The following MMP28 variants were observed in gnomAD, a reference collection of about 807,000 sequenced individuals.
MMP28 encodes the protein matrix metalloproteinase-28.
A neutral mutation model predicts 60.5 loss-of-function variants in MMP28; 55 were observed. The ratio of observed to expected loss-of-function variants is 0.91; its 90% CI spans 0.73 to 1.14. MMP28 has a LOEUF of 1.14. MMP28 is among the 50% of genes most tolerant of loss of function. The pLI, the probability that MMP28 is intolerant of heterozygous loss-of-function variation, is 0.00. For synonymous variants in MMP28, 318 were observed against 312.5 expected, an observed-to-expected ratio of 1.02 and a Z score of -0.18; for missense variants, 686 against 738.3, an observed-to-expected ratio of 0.93 and a Z score of 0.82.
chr17:35,768,067 A>G, intron 6 of MMP28, 148 bp from the exon 7 acceptor site: 1 of 1,290,416 alleles, frequency 7.7e-7, no homozygotes, highest in Non-Finnish European at 1.1e-6. Flanking sequence ...GTGGGCAGGA[A>G]GAAGCGGTGT....
At chr17:35,794,986 A>C (rs1358954733) in intron 1 of MMP28, among the ~76,000 whole-genome samples, 4 of 152,174 alleles carry the variant, frequency 2.6e-5, no homozygotes, top group African/African-American at 7.2e-5. Flanking sequence ...GCCCCGTGCC[A>C]AACTAGGGTA....
intron 1 of MMP28, among the ~76,000 whole-genome samples, chr17:35,784,377 A>G (rs2086590238): frequency 6.6e-6 from 1 of 152,130 alleles, no homozygotes; most frequent in Non-Finnish European, 1.5e-5. Context: ...ATATTCAAAA[A>G]AATTTAAAAC....
Position 35,766,402 on chromosome 17 carries a change from G to C in MMP28, c.*98C>G. 7.0e-7 allele frequency: 1 copy of C among 1,432,888 alleles called. No homozygotes were observed. The highest frequency in any genetic ancestry group is 1.5e-5 in the South Asian group (1 of 67,794). 88.8% of individuals were successfully genotyped at this position (1,432,888 alleles called of 1,614,324 possible). The stretch of plus-strand genomic sequence containing the variant: ...AGGCTTTGCTGCCCGGTCTTCTGCA[G>C]AGGGACTCAGAGGCTTCTAAGAGGG... On this transcript the variant is annotated 3_prime_UTR_variant, in exon 8 of 8. Coordinates refer to ENST00000605424, the MANE Select transcript of MMP28 (RefSeq NM_024302.5). This position sits in a 1 kb window ranked among gnomAD's most constrained non-coding sequence, Gnocchi z 4.3.
chr17:35,790,060 CTTTTTTTTTTT>C (rs56405134), intron 1 of MMP28, among the ~76,000 whole-genome samples: 1 of 66,938 alleles, frequency 1.5e-5, no homozygotes, highest in Non-Finnish European at 2.8e-5. Flanking sequence ...CCGCACCTGG[CTTTTTTTTTTT>C]TTTTTTTTTT....
intron 1 of MMP28, among the ~76,000 whole-genome samples, chr17:35,786,211 T>C (rs1024523997): frequency 1.3e-5 from 2 of 152,022 alleles, no homozygotes; most frequent in Non-Finnish European, 2.9e-5. Flanking sequence ...CGTGCGCCAC[T>C]ACGCCTGGGT....
At chr17:35,759,713 C>T (rs1249657389) in intron 2 of MMP28, among the ~76,000 whole-genome samples, 1 of 151,310 alleles carries the variant, frequency 6.6e-6, no homozygotes, top group South Asian at 2.1e-4. Flanking sequence ...CCCCCACCGC[C>T]CCCCCAAAAA....
chr17:35,778,878 CAG>C lies in MMP28; in HGVS notation c.379+8_379+9del. 1 of 1,614,076 alleles carries C rather than the reference CAG, an allele frequency of 6.2e-7. No individual in the cohort carries two copies. Among genetic ancestry groups the C allele is most frequent in the Non-Finnish European group, 8.5e-7 (1 of 1,179,902 alleles). Reference sequence around the variant, plus strand: ...AAATCTTGGCCTAGCCGGATTTTAACAGTGCTCACCTTGCTTTGCAAAGCGTT... The same window carrying C: ...AAATCTTGGCCTAGCCGGATTTTAACTGCTCACCTTGCTTTGCAAAGCGTT... On this transcript the variant is annotated splice_region_variant and intron_variant, in intron 3 of 7. Transcript: ENST00000605424.
At position 35,766,955 on chromosome 17, in the gene MMP28, C is replaced by T. The variant is rs530906521; in HGVS notation, c.1169-61G>A. On this transcript the variant is annotated intron_variant, in intron 7 of 7. Transcript: ENST00000605424. This position sits in a 1 kb window ranked among gnomAD's most constrained non-coding sequence, Gnocchi z 4.3. ...GCTGTCACCCATTGGCCCTCTACCC[C>T]ACTTCTGTCCCCCATACCTCTGCTC... The T allele has an allele frequency of 1.0e-4, 149 of 1,459,700 alleles. No homozygotes were observed. The highest frequency in any genetic ancestry group is 3.4e-4 in the Middle Eastern group (2 of 5,860). The allele number at this position is 1,459,700 out of a possible 1,614,324, so 90.4% of individuals were successfully genotyped here.
At chr17:35,758,163 AG>A (rs1234030398) in intron 2 of MMP28, 3 of 152,184 alleles carry the variant, frequency 2.0e-5, no homozygotes, top group Non-Finnish European at 4.4e-5. Context: ...ATAATGCTTG[AG>A]CTTGCCAATA....
chr17:35,787,344 C>T (rs545654051), intron 1 of MMP28, among the ~76,000 whole-genome samples: 1 of 152,370 alleles, frequency 6.6e-6, no homozygotes, highest in East Asian at 1.9e-4. Flanking sequence ...CTTTCACCCT[C>T]TGGCTCCTGG....
At chr17:35,756,442 G>A in intron 2 of MMP28, 3 of 984,882 alleles carry the variant, frequency 3.0e-6, no homozygotes, top group South Asian at 9.4e-5. Context: ...AGAACAGAGA[G>A]GACGGAATGC....
intron 1 of MMP28, among the ~76,000 whole-genome samples, chr17:35,795,029 C>T (rs1233264911): frequency 6.6e-6 from 1 of 152,232 alleles, no homozygotes; most frequent in Non-Finnish European, 1.5e-5. Flanking sequence ...CCCGTCTGTC[C>T]GGTCTCGTCT....
At chr17:35,764,671 C>T, downstream of MMP28, 1 of 1,502,298 alleles carries the variant, frequency 6.7e-7, no homozygotes, top group Non-Finnish European at 8.8e-7. Context: ...CCCCAGACCC[C>T]CTACCGACCT....
rs775445556 is a variant in MMP28 at position 35,779,062 on chromosome 17, C to A, written c.205G>T (p.Val69Leu). The A allele has an allele frequency of 1.2e-6, 2 of 1,613,898 alleles. No homozygotes were observed. The highest frequency in any genetic ancestry group is 3.3e-5 in the Admixed American group (2 of 60,016). Residue 69 changes from valine (V) to leucine (L), a missense_variant, in exon 3 of 8, where the codon GTG becomes TTG. Transcript: ENST00000605424. Reference protein sequence around the residue: ...FSDAIRAFQWVSQLPVSGVLD... With the variant: ...FSDAIRAFQWLSQLPVSGVLD... ...ACGCCGCTGACAGGTAGCTGGGACACCCACTGAAACGCTCTGTCAGGAGGA... is the reference window on the plus strand; with the variant it reads ...ACGCCGCTGACAGGTAGCTGGGACAACCACTGAAACGCTCTGTCAGGAGGA...
At chr17:35,761,099 A>ATTTTTT (rs10533957), downstream of MMP28, 8 of 506,322 alleles carry the variant, frequency 1.6e-5, no homozygotes, top group East Asian at 4.1e-5. Context: ...GCCTTCCTGA[A>ATTTTTT]TTTTTTTTTT....
rs933922036 is a variant in MMP28, at chr17:35,770,266, G to A, written c.651C>T (p.His217=). Residue 217 remains histidine (H), a synonymous_variant, in exon 5 of 8, where the codon CAC becomes CAT. Transcript: ENST00000605424. The part of the protein sequence containing the change: ...HAFLPRRGEA[H]FDQDERWSLS... ...GGGACCAGCGCTCATCTTGGTCGAAGTGCGCTTCGCCGCGGCGGGGCAGGA... is the reference window on the plus strand; with the variant it reads ...GGGACCAGCGCTCATCTTGGTCGAAATGCGCTTCGCCGCGGCGGGGCAGGA... 2.5e-6 allele frequency: 4 copies of A among 1,575,930 alleles called. No homozygotes were observed. Among genetic ancestry groups the A allele is most frequent in the South Asian group, 1.1e-5 (1 of 87,978 alleles).
In MMP28 at chr17:35,770,139, G is replaced by C. The variant is rs1318313803; in HGVS notation, c.778C>G (p.Pro260Ala). Residue 260 changes from proline to alanine, a missense_variant, in exon 5 of 8, where the codon CCC becomes GCC. Physicochemically the swap from Pro to Ala is conservative, Grantham distance 27 (BLOSUM62 -1). Transcript: ENST00000605424. Reference protein sequence around the residue: ...HSPAPRALMAPYYKRLGRDAL... With the variant: ...HSPAPRALMAAYYKRLGRDAL... Reference sequence around the variant, plus strand: ...TCGCGGCCCAGCCTCTTGTAGTAGGGCGCCATGAGCGCGCGCGGCGCGGGC... The same window carrying C: ...TCGCGGCCCAGCCTCTTGTAGTAGGCCGCCATGAGCGCGCGCGGCGCGGGC... 5.6e-6 allele frequency: 9 copies of C among 1,607,202 alleles called. No individual in the cohort carries two copies. The highest frequency in any genetic ancestry group is 7.6e-6 in the Non-Finnish European group (9 of 1,177,724).
intron 4 of MMP28, among the ~76,000 whole-genome samples, chr17:35,771,010 G>A (rs543872877): frequency 9.2e-5 from 14 of 152,176 alleles, no homozygotes; most frequent in Non-Finnish European, 1.6e-4. Context: ...CTGTGATTGC[G>A]CCACTACACT....
intron 1 of MMP28, among the ~76,000 whole-genome samples, chr17:35,780,250 T>C (rs1446687172): frequency 6.6e-6 from 1 of 151,920 alleles, no homozygotes. Context: ...TTGTATTTAG[T>C]AGAGATGGGG....
Sources: allele counts gnomAD v4.1 joint callset (sites outside exome capture counted in the v4.1 genomes callset), GRCh38; gene constraint gnomAD v4.1.1; non-coding constraint Gnocchi (gnomAD v3.1); transcripts MANE v1.5; gene names NCBI Gene and HGNC (gene_info 2026-07-23, HGNC 2026-07-21).